PINX1: variants seen among roughly 807,000 people sequenced by gnomAD.
PINX1 encodes PIN2/TERF1-interacting telomerase inhibitor 1.
PINX1 carries 34 observed loss-of-function variants against 25.4 expected under a neutral mutation model. That is an observed-to-expected ratio of 1.34 (90% CI 1.02 to 1.78). PINX1 has a LOEUF of 1.78. PINX1 is among the 40% of genes most tolerant of loss of function. The pLI, the probability that PINX1 is intolerant of heterozygous loss-of-function variation, is 0.00. For missense variants in PINX1, 592 were observed against 404.9 expected (o/e 1.46, Z -3.97); for synonymous variants, 197 against 147.7 (o/e 1.33, Z -2.42).
intron 1 of PINX1, among the ~76,000 whole-genome samples, chr8:10,836,849 G>C (rs756464089): frequency 7.2e-5 from 11 of 152,220 alleles, no homozygotes; most frequent in African/African-American, 9.7e-5. Context: ...CACTTGACCA[G>C]AACCCTGCTT....
At chr8:10,801,731 C>A (rs1433301443) in intron 6 of PINX1, among the ~76,000 whole-genome samples, 1 of 152,164 alleles carries the variant, frequency 6.6e-6, no homozygotes, top group African/African-American at 2.4e-5. Flanking sequence ...CAGCAAACCA[C>A]CTCTAATGAA....
chr8:10,817,309 C>A (rs1055511701), intron 6 of PINX1, among the ~76,000 whole-genome samples: 2 of 152,152 alleles, frequency 1.3e-5, no homozygotes, highest in African/African-American at 4.8e-5. Context: ...AGCGAAGCAA[C>A]AACATACAAC....
intron 6 of PINX1, among the ~76,000 whole-genome samples, chr8:10,815,570 G>A (rs546225505): frequency 6.6e-6 from 1 of 152,172 alleles, no homozygotes; most frequent in East Asian, 1.9e-4. Context: ...GGACACCTTC[G>A]AAAATCCAAT....
chr8:10,780,984 G>C (rs1801567740), intron 6 of PINX1, among the ~76,000 whole-genome samples: 1 of 152,086 alleles, frequency 6.6e-6, no homozygotes, highest in South Asian at 2.1e-4. Context: ...AAAACAGTAT[G>C]GTACTGGCAC....
chr8:10,839,104 G>C (rs1202917515), intron 1 of PINX1, among the ~76,000 whole-genome samples: 2 of 152,168 alleles, frequency 1.3e-5, no homozygotes, highest in African/African-American at 2.4e-5. Context: ...AAGTTCAGCA[G>C]CCTCTACAGA....
intron 6 of PINX1, among the ~76,000 whole-genome samples, chr8:10,780,070 T>C (rs530020914): frequency 6.6e-6 from 1 of 152,378 alleles, no homozygotes; most frequent in East Asian, 1.9e-4. Flanking sequence ...ATGTTGATCA[T>C]GTATCCTGCA....
chr8:10,787,648 G>A (rs892791800), intron 6 of PINX1: 26 of 321,158 alleles, frequency 8.1e-5, no homozygotes, highest in African/African-American at 5.2e-4. Flanking sequence ...CCACACAAGG[G>A]AAATTAAGGA....
chr8:10,837,726 A>G (rs1798446079), intron 1 of PINX1, among the ~76,000 whole-genome samples: 1 of 152,226 alleles, frequency 6.6e-6, no homozygotes, highest in African/African-American at 2.4e-5. Flanking sequence ...CAACAGCTCA[A>G]TACCACATGA....
chr8:10,785,215 T>A (rs972717122), intron 6 of PINX1, among the ~76,000 whole-genome samples: 6 of 152,228 alleles, frequency 3.9e-5, no homozygotes, highest in Non-Finnish European at 8.8e-5. Context: ...CATCAAGAGA[T>A]ATTCTAAACT....
intron 5 of PINX1, among the ~76,000 whole-genome samples, chr8:10,823,985 A>C (rs963454073): frequency 6.6e-6 from 1 of 152,222 alleles, no homozygotes; most frequent in African/African-American, 2.4e-5. Flanking sequence ...TGGACGATAC[A>C]TGAGTTGCAA....
intron 5 of PINX1, among the ~76,000 whole-genome samples, chr8:10,822,593 C>T (rs1797912574): frequency 6.6e-6 from 1 of 152,266 alleles, no homozygotes; most frequent in Admixed American, 6.5e-5. Context: ...TTATCAGTTT[C>T]CCAGTCTATC....
At chr8:10,795,857 T>A (rs944222312) in intron 6 of PINX1, among the ~76,000 whole-genome samples, 15 of 150,556 alleles carry the variant, frequency 1.0e-4, no homozygotes, top group African/African-American at 3.6e-4. Flanking sequence ...AAAGGCCCTA[T>A]TCACAAATCC....
At chr8:10,817,013 A>G (rs2129084747) in intron 6 of PINX1, among the ~76,000 whole-genome samples, 1 of 152,338 alleles carries the variant, frequency 6.6e-6, no homozygotes, top group East Asian at 1.9e-4. Flanking sequence ...TTGGAATTCT[A>G]CGATGGCAGT....
chr8:10,770,617 C>T (rs1481303154), intron 6 of PINX1, among the ~76,000 whole-genome samples: 1 of 152,184 alleles, frequency 6.6e-6, no homozygotes, highest in Admixed American at 6.5e-5. Context: ...AACATGTATA[C>T]TGAGATGGAT....
chr8:10,807,559 A>G (rs4551304), intron 6 of PINX1, among the ~76,000 whole-genome samples: 97,092 of 151,800 alleles, frequency 0.64, 32,314 homozygotes, highest in African/African-American at 0.82. Flanking sequence ...TCATTCCCAT[A>G]GGGTTTTAGA....
In PINX1 at chr8:10,765,370, G is replaced by A. The variant is rs1301134022; in HGVS notation, c.*31C>T. 1 of 1,549,104 alleles carries A rather than the reference G, an allele frequency of 6.5e-7. No individual in the cohort carries two copies. Among genetic ancestry groups the A allele is most frequent in the African/African-American group, 1.4e-5 (1 of 73,626 alleles). On this transcript the variant is annotated 3_prime_UTR_variant, in exon 7 of 7. Coordinates refer to ENST00000314787, the MANE Select transcript of PINX1 (RefSeq NM_017884.6). ...CTGCCCCCGCAGTGCCCTGACAGCTGAGTGGTCGGAAGGCCCCGGCTGGGA... is the reference window on the plus strand; with the variant it reads ...CTGCCCCCGCAGTGCCCTGACAGCTAAGTGGTCGGAAGGCCCCGGCTGGGA...
At chr8:10,838,355 AGAG>A (rs1294185138) in intron 1 of PINX1, among the ~76,000 whole-genome samples, 4 of 152,388 alleles carry the variant, frequency 2.6e-5, no homozygotes, top group South Asian at 4.1e-4. Context: ...AACGTTGGGA[AGAG>A]GAGAACTGAA....
At chr8:10,804,744 GTC>G (rs35990378) in intron 6 of PINX1, among the ~76,000 whole-genome samples, 34,123 of 149,220 alleles carry the variant, frequency 0.23, 3,972 homozygotes, top group East Asian at 0.32. Context: ...CCCTGGTAAT[GTC>G]AAAAGAAAAA....
intron 6 of PINX1, among the ~76,000 whole-genome samples, chr8:10,793,087 C>T (rs903711261): frequency 2.0e-5 from 3 of 152,102 alleles, no homozygotes; most frequent in Admixed American, 6.5e-5. Context: ...CTACTATGCG[C>T]GAACACTCTG....
Sources: gnomAD v4.1 joint callset for allele counts (sites outside exome capture counted in the v4.1 genomes callset) on GRCh38, gnomAD v4.1.1 for gene constraint, MANE v1.5 for transcripts, NCBI Gene and HGNC (gene_info 2026-07-23, HGNC 2026-07-21) for gene names.